The following DPYD variants were observed in gnomAD, a reference collection of about 807,000 sequenced individuals.
DPYD encodes dihydropyrimidine dehydrogenase.
In DPYD, 109 loss-of-function variants were observed where a neutral mutation model predicts 116.2. That is an observed-to-expected ratio of 0.94 (90% CI 0.80 to 1.10). The LOEUF is 1.10. Among genes scored for constraint, DPYD ranks in the 50% least tolerant of loss-of-function variants. The probability of loss-of-function intolerance (pLI) is 0.00; values close to 1 mark genes in which losing one functional copy is unlikely to be tolerated. For synonymous variants in DPYD, 440 were observed against 432.0 expected (o/e 1.02, Z -0.23); for missense variants, 1,302 against 1,254.5 (o/e 1.04, Z -0.57).
chr1:97,191,164 A>G (rs561135598), intron 20 of DPYD, among the ~76,000 whole-genome samples: 7 of 152,190 alleles, frequency 4.6e-5, no homozygotes, highest in Admixed American at 3.3e-4. Flanking sequence ...CATGTACCCT[A>G]GAACTTAAAG....
chr1:97,203,678 A>C (rs1242979081), intron 19 of DPYD, among the ~76,000 whole-genome samples: 22 of 106,740 alleles, frequency 2.1e-4, no homozygotes, highest in Admixed American at 5.7e-4. Flanking sequence ...CCCCCCCAAA[A>C]AAAAAAAAAG....
intron 3 of DPYD, among the ~76,000 whole-genome samples, chr1:97,778,557 C>T (rs541786827): frequency 1.4e-4 from 22 of 152,212 alleles, no homozygotes; most frequent in South Asian, 4.1e-4. Flanking sequence ...GCATTCAATG[C>T]TACCAAAGTC....
chr1:97,713,351 T>G (rs970079526), intron 5 of DPYD, among the ~76,000 whole-genome samples: 13 of 152,254 alleles, frequency 8.5e-5, no homozygotes, highest in Non-Finnish European at 1.9e-4. Context: ...CGCAAATAAT[T>G]TTAACCATGC....
chr1:97,744,651 T>C (rs1664447672), intron 3 of DPYD, among the ~76,000 whole-genome samples: 2 of 152,046 alleles, frequency 1.3e-5, no homozygotes, highest in Admixed American at 6.6e-5. Context: ...AATATTAACA[T>C]TGCATTTCCT....
chr1:97,479,829 A>G (rs555613432), intron 13 of DPYD, among the ~76,000 whole-genome samples: 1 of 152,350 alleles, frequency 6.6e-6, no homozygotes, highest in South Asian at 2.1e-4. Context: ...TTCATTGCCT[A>G]TCCAACATCC....
intron 11 of DPYD, among the ~76,000 whole-genome samples, chr1:97,559,328 AAAC>A (rs1197362790): frequency 6.6e-6 from 1 of 152,172 alleles, no homozygotes; most frequent in Non-Finnish European, 1.5e-5. Context: ...CTACTTGTGA[AAAC>A]AATATTATTA....
chr1:97,133,114 T>C (rs1395574404), intron 20 of DPYD, among the ~76,000 whole-genome samples: 3 of 152,078 alleles, frequency 2.0e-5, no homozygotes, highest in Non-Finnish European at 4.4e-5. Flanking sequence ...AAACTGACTA[T>C]AGAGTACTAA....
chr1:97,178,637 G>A (rs977714435), intron 20 of DPYD, among the ~76,000 whole-genome samples: 8 of 152,076 alleles, frequency 5.3e-5, no homozygotes, highest in African/African-American at 1.7e-4. Flanking sequence ...TGAGATTTGG[G>A]TGGGGGCACA....
chr1:97,392,400 G>A (rs946747356), intron 14 of DPYD, among the ~76,000 whole-genome samples: 48 of 150,766 alleles, frequency 3.2e-4, no homozygotes, highest in Non-Finnish European at 5.9e-4. Context: ...CGTCACCTAT[G>A]CTGGAGGGCA....
At chr1:97,633,054 T>C (rs1350712006) in intron 8 of DPYD, among the ~76,000 whole-genome samples, 4 of 152,144 alleles carry the variant, frequency 2.6e-5, no homozygotes, top group Non-Finnish European at 5.9e-5. Flanking sequence ...CCAGGCCACA[T>C]GGCTTTCTTT....
intron 3 of DPYD, among the ~76,000 whole-genome samples, chr1:97,770,006 T>A (rs1048015760): frequency 6.6e-6 from 1 of 152,164 alleles, no homozygotes; most frequent in South Asian, 2.1e-4. Flanking sequence ...GAAGCCAGTA[T>A]TTACACTAAG....
intron 20 of DPYD, among the ~76,000 whole-genome samples, chr1:97,106,253 T>A (rs1651131411): frequency 6.6e-6 from 1 of 152,108 alleles, no homozygotes; most frequent in East Asian, 1.9e-4. Context: ...AAAAAAGGGT[T>A]CTATGGTGTA....
At chr1:97,777,967 G>T (rs2101193089) in intron 3 of DPYD, among the ~76,000 whole-genome samples, 1 of 151,816 alleles carries the variant, frequency 6.6e-6, no homozygotes, top group Admixed American at 6.6e-5. Context: ...AGACCAGCCT[G>T]GCCAACATGG....
intron 18 of DPYD, among the ~76,000 whole-genome samples, chr1:97,256,767 T>C (rs561797296): frequency 1.2e-4 from 19 of 152,222 alleles, no homozygotes; most frequent in African/African-American, 4.6e-4. Context: ...CTCTCCCCTC[T>C]CCTCAGACAC....
At chr1:97,583,117 C>T (rs770566269) in intron 10 of DPYD, among the ~76,000 whole-genome samples, 68 of 152,058 alleles carry the variant, frequency 4.5e-4, no homozygotes, top group Non-Finnish European at 8.1e-4. Context: ...TACAGGCGCC[C>T]GCCACCACAC....
chr1:97,580,440 G>C (rs10783069), intron 10 of DPYD, among the ~76,000 whole-genome samples: 116,883 of 152,108 alleles, frequency 0.77, 46,404 homozygotes, highest in East Asian at 0.96. Flanking sequence ...GTAAGAGCAC[G>C]CTCTATGCAT....
chr1:97,694,681 C>T (rs187217660), intron 6 of DPYD, among the ~76,000 whole-genome samples: 2 of 152,020 alleles, frequency 1.3e-5, no homozygotes, highest in African/African-American at 4.8e-5. Context: ...CCTTTCCAGC[C>T]CCACACCAAG....
intron 18 of DPYD, among the ~76,000 whole-genome samples, chr1:97,243,625 T>A (rs1662523780): frequency 6.6e-6 from 1 of 151,798 alleles, no homozygotes; most frequent in South Asian, 2.1e-4. Context: ...TAATAATTGT[T>A]ATAATTAATA....
chr1:97,433,376 A>C (rs1056582660), intron 14 of DPYD, among the ~76,000 whole-genome samples: 22 of 152,168 alleles, frequency 1.4e-4, no homozygotes, highest in Non-Finnish European at 2.8e-4. Flanking sequence ...AACATTCATT[A>C]AAAGTTCTTT....
Sources: gnomAD v4.1 joint callset for allele counts (sites outside exome capture counted in the v4.1 genomes callset) on GRCh38, gnomAD v4.1.1 for gene constraint, MANE v1.5 for transcripts, NCBI Gene and HGNC (gene_info 2026-07-23, HGNC 2026-07-21) for gene names.